PRLR: variants seen among roughly 807,000 people sequenced by gnomAD.
PRLR encodes prolactin receptor.
In PRLR, 13 loss-of-function variants were observed where a neutral mutation model predicts 40.2. The observed-to-expected ratio is 0.32, with a 90% CI of 0.21 to 0.51. The LOEUF (loss-of-function observed/expected upper bound fraction) is 0.51. Ranked by LOEUF, PRLR falls within the 20% of genes least tolerant of loss-of-function variation. PRLR has a pLI of 0.97. For missense variants in PRLR, 656 were observed against 747.3 expected, an observed-to-expected ratio of 0.88 and a Z score of 1.42; for synonymous variants, 269 against 278.7, an observed-to-expected ratio of 0.97 and a Z score of 0.35.
chr5:35,173,092 T>C (rs1295397033), intron 1 of PRLR, among the ~76,000 whole-genome samples: 1 of 152,166 alleles, frequency 6.6e-6, no homozygotes, highest in African/African-American at 2.4e-5. Flanking sequence ...AAAGCACATC[T>C]TGTTCCCACC....
At chr5:35,115,026 G>A (rs370419475) in intron 2 of PRLR, among the ~76,000 whole-genome samples, 15 of 152,306 alleles carry the variant, frequency 9.8e-5, no homozygotes, top group East Asian at 5.8e-4. Flanking sequence ...ATGGTATTCA[G>A]TAGAACTTTC....
intron 2 of PRLR, among the ~76,000 whole-genome samples, chr5:35,110,986 C>T (rs1301805206): frequency 6.6e-6 from 1 of 152,174 alleles, no homozygotes; most frequent in Non-Finnish European, 1.5e-5. Flanking sequence ...ACCTATCTTT[C>T]TCTGTACCCC....
chr5:35,212,132 T>C (rs537225616), intron 1 of PRLR, among the ~76,000 whole-genome samples: 30 of 152,344 alleles, frequency 2.0e-4, no homozygotes, highest in African/African-American at 7.0e-4. Context: ...TAGATGAATA[T>C]AAGTTCTTCT....
rs1426659147 is a variant in PRLR at position 35,225,530 on chromosome 5, C to T, written c.-106+4738G>A. Among the ~76,000 whole-genome samples, 3 of 152,168 alleles carry T rather than the reference C, an allele frequency of 2.0e-5. No homozygotes were observed. The East Asian group carries it at 5.8e-4, about 29-fold the overall frequency. ...GATCAGTGCTATTCAACGGAAATAT[C>T]ATGTGAGTCACATATGTAATTTAAA... On this transcript the variant is annotated intron_variant, in intron 1 of 9. Coordinates refer to ENST00000618457, the MANE Select transcript of PRLR (RefSeq NM_000949.7).
intron 5 of PRLR, 110 bp from the exon 6 acceptor site, chr5:35,072,854 C>A (rs1769839854): frequency 2.3e-6 from 3 of 1,301,094 alleles, no homozygotes; most frequent in Non-Finnish European, 3.1e-6. Flanking sequence ...ACTCTTCCCA[C>A]TGTACTATAA....
intron 1 of PRLR, among the ~76,000 whole-genome samples, chr5:35,163,031 T>C (rs1327220107): frequency 1.3e-5 from 2 of 152,078 alleles, no homozygotes; most frequent in Non-Finnish European, 2.9e-5. Flanking sequence ...CCAACCGACT[T>C]GCGCACTGGG....
chr5:35,179,297 T>A (rs1443554086), intron 1 of PRLR, among the ~76,000 whole-genome samples: 2 of 152,216 alleles, frequency 1.3e-5, no homozygotes, highest in Non-Finnish European at 2.9e-5. Context: ...GTTTCCTGTC[T>A]TGATTCATCT....
At chr5:35,201,661 G>A (rs948943605) in intron 1 of PRLR, among the ~76,000 whole-genome samples, 6 of 152,022 alleles carry the variant, frequency 3.9e-5, no homozygotes, top group African/African-American at 1.2e-4. Context: ...CAGAGATCTC[G>A]GTCAAATCCT....
chr5:35,166,259 C>G (rs529735131), intron 1 of PRLR, among the ~76,000 whole-genome samples: 19 of 152,210 alleles, frequency 1.2e-4, no homozygotes, highest in African/African-American at 4.6e-4. Context: ...GTGGTCAATT[C>G]TAGATTGTCT....
chr5:35,101,566 C>A (rs1359692371), intron 2 of PRLR, among the ~76,000 whole-genome samples: 1 of 152,044 alleles, frequency 6.6e-6, no homozygotes, highest in Non-Finnish European at 1.5e-5. Flanking sequence ...CTTCAACTAG[C>A]AAGGCAATAA....
intron 1 of PRLR, among the ~76,000 whole-genome samples, chr5:35,166,246 C>T (rs902787356): frequency 1.3e-5 from 2 of 152,116 alleles, no homozygotes; most frequent in Admixed American, 1.3e-4. Context: ...GTCATGTCCC[C>T]TAGTGGTCAA....
At chr5:35,122,280 G>C (rs1773317419) in intron 1 of PRLR, among the ~76,000 whole-genome samples, 1 of 152,014 alleles carries the variant, frequency 6.6e-6, no homozygotes, top group African/African-American at 2.4e-5. Context: ...CATGCTCAGG[G>C]TGTGCAGGTT....
intron 2 of PRLR, among the ~76,000 whole-genome samples, chr5:35,103,675 T>C (rs2111566441): frequency 6.6e-6 from 1 of 152,368 alleles, no homozygotes; most frequent in South Asian, 2.1e-4. Flanking sequence ...TTTTTCATCC[T>C]TGGCCTAGAA....
intron 1 of PRLR, among the ~76,000 whole-genome samples, chr5:35,178,321 C>G (rs1320809603): frequency 6.6e-6 from 1 of 152,102 alleles, no homozygotes; most frequent in Non-Finnish European, 1.5e-5. Flanking sequence ...ATACTTGACT[C>G]TTATGTGTCA....
chr5:35,077,625 G>C (rs1770201359), intron 5 of PRLR, among the ~76,000 whole-genome samples: 2 of 152,148 alleles, frequency 1.3e-5, no homozygotes, highest in Non-Finnish European at 2.9e-5. Flanking sequence ...ACACCCCACT[G>C]TCAACATTAG....
chr5:35,088,731 T>C (rs17248083), intron 3 of PRLR, among the ~76,000 whole-genome samples: 56,462 of 151,994 alleles, frequency 0.37, 13,347 homozygotes, highest in Non-Finnish European at 0.54. Context: ...GGTATGTAGA[T>C]GCCCACACAG....
chr5:35,221,218 G>C (rs1776408715), intron 1 of PRLR, among the ~76,000 whole-genome samples: 1 of 152,156 alleles, frequency 6.6e-6, no homozygotes, highest in African/African-American at 2.4e-5. Context: ...GAGTTAATTG[G>C]CTTTAAAATG....
intron 2 of PRLR, among the ~76,000 whole-genome samples, chr5:35,107,326 C>A (rs536370644): frequency 6.6e-6 from 1 of 152,176 alleles, no homozygotes; most frequent in African/African-American, 2.4e-5. Flanking sequence ...ACTAGAGAAG[C>A]AAGAGCAAAC....
intron 1 of PRLR, among the ~76,000 whole-genome samples, chr5:35,187,165 T>C (rs151160295): frequency 0.017 from 2,585 of 151,898 alleles, 33 homozygotes; most frequent in Admixed American, 0.026. Flanking sequence ...CTTTGGGAGG[T>C]TGAGGCACGT....
Sources: gnomAD v4.1 joint callset for allele counts (sites outside exome capture counted in the v4.1 genomes callset) on GRCh38, gnomAD v4.1.1 for gene constraint, MANE v1.5 for transcripts, NCBI Gene and HGNC (gene_info 2026-07-23, HGNC 2026-07-21) for gene names.